The following FSTL5 variants were observed in gnomAD, a reference collection of about 807,000 sequenced individuals.
FSTL5 encodes follistatin-related protein 5.
FSTL5 carries 62 observed loss-of-function variants against 89.1 expected under a neutral mutation model. The ratio of observed to expected loss-of-function variants is 0.70; its 90% CI spans 0.57 to 0.86. The LOEUF is 0.86. Ranked by LOEUF, FSTL5 falls within the 40% of genes least tolerant of loss-of-function variation. The pLI is 0.00. For missense variants in FSTL5, 1,057 were observed against 1,001.6 expected (o/e 1.06, Z -0.75); for synonymous variants, 383 against 346.2 (o/e 1.11, Z -1.18).
intron 7 of FSTL5, among the ~76,000 whole-genome samples, chr4:161,589,629 T>C (rs575128654): frequency 7.9e-5 from 12 of 152,062 alleles, no homozygotes; most frequent in Non-Finnish European, 1.5e-4. Context: ...CTAGAGTCTT[T>C]ATTGAAATCA....
chr4:161,463,025 A>G (rs1334250313), intron 13 of FSTL5, among the ~76,000 whole-genome samples: 1 of 152,190 alleles, frequency 6.6e-6, no homozygotes, highest in Non-Finnish European at 1.5e-5. Context: ...TGAGCCTTAA[A>G]GAACGAATAT....
chr4:161,665,818 A>C (rs765858175), intron 6 of FSTL5, among the ~76,000 whole-genome samples: 3 of 140,996 alleles, frequency 2.1e-5, no homozygotes, highest in Non-Finnish European at 4.7e-5. Flanking sequence ...ACAGAAGAAA[A>C]ATGATTCTAG....
intron 4 of FSTL5, among the ~76,000 whole-genome samples, chr4:161,808,636 A>C (rs1254518961): frequency 6.8e-5 from 10 of 146,022 alleles, no homozygotes; most frequent in East Asian, 4.1e-4. Flanking sequence ...CAAAAAAAAA[A>C]CCCAGATAAA....
intron 4 of FSTL5, among the ~76,000 whole-genome samples, chr4:161,829,889 C>A (rs1730790328): frequency 6.6e-6 from 1 of 152,040 alleles, no homozygotes; most frequent in Admixed American, 6.6e-5. Flanking sequence ...TGACAAGGAA[C>A]AAACACATTT....
At position 161,811,843 on chromosome 4, in the gene FSTL5, T is replaced by C. The variant is rs866193521; in HGVS notation, c.410-35769A>G. ...TAGGAATTAAATATAAACTAGAATT[T>C]ATCTCAAATAAGCAGCCATTTCCAA... On this transcript the variant is annotated intron_variant, in intron 4 of 15. Coordinates refer to ENST00000306100, the MANE Select transcript of FSTL5 (RefSeq NM_020116.5). Among the ~76,000 whole-genome samples the C allele has an allele frequency of 3.9e-5, 6 of 152,290 alleles. No homozygotes were observed. In the South Asian group the frequency reaches 1.0e-3, roughly 26 times the overall value.
At chr4:161,799,625 A>C (rs1310813310) in intron 4 of FSTL5, among the ~76,000 whole-genome samples, 1 of 151,726 alleles carries the variant, frequency 6.6e-6, no homozygotes, top group Non-Finnish European at 1.5e-5. Context: ...AGCAAGATCT[A>C]ATGTATACAA....
At chr4:162,044,682 C>T (rs1471477307) in intron 2 of FSTL5, among the ~76,000 whole-genome samples, 1 of 152,174 alleles carries the variant, frequency 6.6e-6, no homozygotes, top group African/African-American at 2.4e-5. Context: ...TGAAAAATCT[C>T]TTGTTCAGTG....
At chr4:161,991,101 G>A (rs1424600090) in intron 3 of FSTL5, among the ~76,000 whole-genome samples, 1 of 152,024 alleles carries the variant, frequency 6.6e-6, no homozygotes, top group Non-Finnish European at 1.5e-5. Context: ...AAATATCATC[G>A]ACATAAAAAT....
At chr4:161,857,819 T>A (rs891175182) in intron 4 of FSTL5, among the ~76,000 whole-genome samples, 3 of 152,188 alleles carry the variant, frequency 2.0e-5, no homozygotes, top group African/African-American at 7.2e-5. Context: ...TCCCCAGTCC[T>A]TGATTTGGGG....
intron 6 of FSTL5, among the ~76,000 whole-genome samples, chr4:161,664,551 A>G (rs910767190): frequency 3.3e-5 from 5 of 152,166 alleles, no homozygotes; most frequent in African/African-American, 1.2e-4. Context: ...GTTATTGTTC[A>G]TATCACCATC....
At chr4:162,007,700 T>C (rs899342607) in intron 3 of FSTL5, among the ~76,000 whole-genome samples, 1 of 151,832 alleles carries the variant, frequency 6.6e-6, no homozygotes, top group South Asian at 2.1e-4. Context: ...TGCCGTGTAA[T>C]AGGCAAATAA....
Position 162,152,665 on chromosome 4 carries a change from C to T in FSTL5, c.-17+10950G>A, listed in dbSNP as rs535673422. ...TGCCATAGTGTCTGGGATAATGAAT[C>T]GTTGACATAAATACCAGCTCACTCA... On this transcript the variant is annotated intron_variant, in intron 1 of 15. Coordinates refer to ENST00000306100, the MANE Select transcript of FSTL5 (RefSeq NM_020116.5). Among the ~76,000 whole-genome samples the T allele has an allele frequency of 6.6e-5, 10 of 152,140 alleles. No individual in the cohort carries two copies. In the South Asian group the frequency reaches 2.1e-3, roughly 32 times the overall value.
At chr4:162,120,253 G>A (rs999593032) in intron 1 of FSTL5, among the ~76,000 whole-genome samples, 1 of 152,016 alleles carries the variant, frequency 6.6e-6, no homozygotes, top group Non-Finnish European at 1.5e-5. Context: ...TTCACTCTTA[G>A]TTCCATTATT....
At chr4:161,779,774 T>TATATATATATATATATATAC (rs1741564119) in intron 4 of FSTL5, among the ~76,000 whole-genome samples, 1 of 17,354 alleles carries the variant, frequency 5.8e-5, no homozygotes, top group Non-Finnish European at 1.5e-4. Flanking sequence ...TATATATATA[T>TATATATATATATATATATAC]GTATATATAT....
intron 4 of FSTL5, among the ~76,000 whole-genome samples, chr4:161,799,803 G>A (rs977497211): frequency 2.0e-5 from 3 of 151,730 alleles, no homozygotes; most frequent in African/African-American, 7.2e-5. Context: ...GAATGCTGGA[G>A]TTGGGTTATG....
intron 4 of FSTL5, among the ~76,000 whole-genome samples, chr4:161,903,795 T>G (rs77944409): frequency 0.039 from 5,878 of 151,672 alleles, 184 homozygotes; most frequent in East Asian, 0.15. Context: ...TCTAAAAGCA[T>G]AAGATGCCTA....
chr4:161,555,728 T>A (rs1332666899), intron 8 of FSTL5, among the ~76,000 whole-genome samples: 1 of 151,614 alleles, frequency 6.6e-6, no homozygotes, highest in Non-Finnish European at 1.5e-5. Context: ...CACTCTCTGG[T>A]AAATTCCCAG....
At chr4:161,990,473 T>A (rs903146885) in intron 3 of FSTL5, among the ~76,000 whole-genome samples, 1 of 152,136 alleles carries the variant, frequency 6.6e-6, no homozygotes, top group East Asian at 1.9e-4. Context: ...ACCTTTTAGA[T>A]AATATGTCTA....
In FSTL5 at chr4:161,695,085, G is replaced by A. The variant is rs547739575; in HGVS notation, c.728-38591C>T. Reference sequence around the variant, plus strand: ...TTTTCTGTATTTCCATAGGCTATCGGGGAATAGATGGTGTTTGGTTACATG... The same window carrying A: ...TTTTCTGTATTTCCATAGGCTATCGAGGAATAGATGGTGTTTGGTTACATG... On this transcript the variant is annotated intron_variant, in intron 6 of 15. Transcript: ENST00000306100. Among the ~76,000 whole-genome samples, 3 of 151,422 alleles carry A rather than the reference G, an allele frequency of 2.0e-5. No individual in the cohort carries two copies. The East Asian group carries it at 5.8e-4, about 29-fold the overall frequency.
Sources: gnomAD v4.1 joint callset for allele counts (sites outside exome capture counted in the v4.1 genomes callset) on GRCh38, gnomAD v4.1.1 for gene constraint, MANE v1.5 for transcripts, NCBI Gene and HGNC (gene_info 2026-07-23, HGNC 2026-07-21) for gene names.